SULF2: variants seen among roughly 807,000 people sequenced by gnomAD.
SULF2 encodes sulfatase 2.
In SULF2, 52 loss-of-function variants were observed where a neutral mutation model predicts 107.7. That is an observed-to-expected ratio of 0.48 (90% CI 0.39 to 0.61). The LOEUF (loss-of-function observed/expected upper bound fraction) is 0.61. Ranked by LOEUF, SULF2 falls within the 20% of genes least tolerant of loss-of-function variation. The pLI is 0.00. For synonymous variants in SULF2, 460 were observed against 464.3 expected (o/e 0.99, Z 0.12); for missense variants, 993 against 1,177.3 (o/e 0.84, Z 2.29).
At chr20:47,687,952 G>A (rs2088067594) in intron 5 of SULF2, among the ~76,000 whole-genome samples, 1 of 151,916 alleles carries the variant, frequency 6.6e-6, no homozygotes, top group Non-Finnish European at 1.5e-5. Context: ...ATCTGCTTGT[G>A]TGGTATGTCT....
chr20:47,768,682 C>T (rs1198215610), intron 1 of SULF2, among the ~76,000 whole-genome samples: 2 of 152,190 alleles, frequency 1.3e-5, no homozygotes, highest in South Asian at 2.1e-4. Flanking sequence ...GCGGAAGGAA[C>T]GTGGGTGTGG....
At chr20:47,769,649 C>T (rs1349844307) in intron 1 of SULF2, among the ~76,000 whole-genome samples, 2 of 152,276 alleles carry the variant, frequency 1.3e-5, no homozygotes, top group East Asian at 3.9e-4. Context: ...TGAGCACCTA[C>T]TATGTTCCCG....
intron 10 of SULF2, among the ~76,000 whole-genome samples, chr20:47,675,019 GGT>G (rs1022054069): frequency 7.2e-5 from 11 of 152,174 alleles, no homozygotes; most frequent in African/African-American, 2.4e-4. Flanking sequence ...TGGCTTCAGT[GGT>G]GTGCTCTGAT....
intron 3 of SULF2, among the ~76,000 whole-genome samples, chr20:47,708,628 G>C (rs182785355): frequency 1.3e-5 from 2 of 152,176 alleles, no homozygotes; most frequent in Non-Finnish European, 2.9e-5. Flanking sequence ...AGAGAAAAAG[G>C]CTTCACTGAA....
intron 1 of SULF2, among the ~76,000 whole-genome samples, chr20:47,776,232 GA>G (rs1403640882): frequency 6.6e-6 from 1 of 152,234 alleles, no homozygotes; most frequent in African/African-American, 2.4e-5. Context: ...TTTAAAATGT[GA>G]AATCTCGTAG....
At chr20:47,675,715 C>A (rs1338486236) in intron 10 of SULF2, among the ~76,000 whole-genome samples, 5 of 152,084 alleles carry the variant, frequency 3.3e-5, no homozygotes, top group Admixed American at 3.3e-4. Flanking sequence ...CCAGCCAAGG[C>A]AGAGTTTCCA....
In SULF2 at chr20:47,666,912, T is replaced by C. The variant is rs1372037665; in HGVS notation, c.1577-424A>G. ...GGCTCGTATTGTTACATTCTATTTA[T>C]AGGAACTACCCAGAATAGGTAAATC... On this transcript the variant is annotated intron_variant, in intron 11 of 20. Transcript: ENST00000688720. This position sits in a 1 kb window ranked among gnomAD's most constrained non-coding sequence, Gnocchi z 5.4. 1.3e-5 allele frequency among the ~76,000 whole-genome samples: 2 copies of C among 152,180 alleles called. No individual in the cohort carries two copies. Among genetic ancestry groups the C allele is most frequent in the African/African-American group, 4.8e-5 (2 of 41,446 alleles).
chr20:47,700,231 GC>G, intron 4 of SULF2, among the ~76,000 whole-genome samples: 1 of 152,296 alleles, frequency 6.6e-6, no homozygotes, highest in East Asian at 1.9e-4. Flanking sequence ...CTACAGCCAA[GC>G]AGGTCGACTG....
intron 4 of SULF2, 111 bp from the exon 5 acceptor site, chr20:47,690,406 C>T (rs1015208258): frequency 1.3e-6 from 1 of 794,624 alleles, no homozygotes; most frequent in Non-Finnish European, 1.7e-6. Context: ...GTGAACAAAA[C>T]AATTTCTGCC....
chr20:47,680,349 C>T lies in SULF2; in HGVS notation c.1065-1545G>A, dbSNP rs1203067377. 2.6e-5 allele frequency among the ~76,000 whole-genome samples: 4 copies of T among 152,192 alleles called. No homozygotes were observed. Among genetic ancestry groups the T allele is most frequent in the South Asian group, 2.1e-4 (1 of 4,834 alleles). ...AACTCCTGACCTCAGGTGATACATC[C>T]GCCTCAGCCTCCCAAAGTGCTGGGA... On this transcript the variant is annotated intron_variant, in intron 7 of 20. Transcript: ENST00000688720. This position sits in a 1 kb window ranked among gnomAD's most constrained non-coding sequence, Gnocchi z 4.2.
chr20:47,710,603 G>A (rs1201164712), intron 3 of SULF2, among the ~76,000 whole-genome samples: 1 of 149,338 alleles, frequency 6.7e-6, no homozygotes, highest in Non-Finnish European at 1.5e-5. Context: ...CGTGACACAC[G>A]ACTGTACATT....
Position 47,680,429 on chromosome 20 carries a change from A to G in SULF2, c.1065-1625T>C, listed in dbSNP as rs565350435. ...TTGTTTCTGGCTGATGGCATTCCCA[A>G]TGTAGGGTAAGGGACTTAAGGGGTG... On this transcript the variant is annotated intron_variant, in intron 7 of 20. Coordinates refer to ENST00000688720, the MANE Select transcript of SULF2 (RefSeq NM_001387048.1). This position sits in a 1 kb window ranked among gnomAD's most constrained non-coding sequence, Gnocchi z 4.2. 2.0e-5 allele frequency among the ~76,000 whole-genome samples: 3 copies of G among 152,254 alleles called. No homozygotes were observed. The highest frequency in any genetic ancestry group is 4.8e-5 in the African/African-American group (2 of 41,550).
chr20:47,659,609 A>G, intron 19 of SULF2, 88 bp downstream of exon 19: 2 of 1,396,232 alleles, frequency 1.4e-6, no homozygotes, highest in Admixed American at 1.7e-5. Flanking sequence ...GTTTCTCAAG[A>G]TAACAGGTGC....
intron 3 of SULF2, among the ~76,000 whole-genome samples, chr20:47,709,495 G>A (rs920638340): frequency 2.0e-5 from 3 of 152,146 alleles, no homozygotes; most frequent in South Asian, 2.1e-4. Context: ...TAAGTTGCAC[G>A]GGCTGACCTT....
At chr20:47,672,552 C>T (rs541712330) in intron 10 of SULF2, 159 bp from the exon 11 acceptor site, 4 of 985,228 alleles carry the variant, frequency 4.1e-6, no homozygotes, top group Non-Finnish European at 3.6e-6. Context: ...CTTCTCTCCA[C>T]TGCCACTGCT....
chr20:47,674,264 C>T (rs1236730050), intron 10 of SULF2, among the ~76,000 whole-genome samples: 5 of 152,214 alleles, frequency 3.3e-5, no homozygotes, highest in South Asian at 2.1e-4. Context: ...GCGGGGGCGG[C>T]GCCTGAGCCC....
At chr20:47,768,575 G>A (rs564604120) in intron 1 of SULF2, among the ~76,000 whole-genome samples, 1 of 152,372 alleles carries the variant, frequency 6.6e-6, no homozygotes, top group African/African-American at 2.4e-5. Context: ...ACCAGCCCAC[G>A]CTAGGCCTCC....
intron 4 of SULF2, among the ~76,000 whole-genome samples, chr20:47,692,204 G>C (rs2088219332): frequency 6.6e-6 from 1 of 152,138 alleles, no homozygotes; most frequent in Admixed American, 6.5e-5. Flanking sequence ...AGAAAAAAAG[G>C]TGAAGAGGTG....
At position 47,664,297 on chromosome 20, in the gene SULF2, CCT is replaced by C. The variant is rs2087191226; in HGVS notation, c.1998-110_1998-109del. The C allele has an allele frequency of 2.7e-6, 3 of 1,098,136 alleles. No individual in the cohort carries two copies. In the African/African-American group the frequency reaches 4.7e-5, roughly 17 times the overall value. 68.0% of individuals were successfully genotyped at this position (1,098,136 alleles called of 1,614,324 possible). ...TCCCATGTGTTGCTGCTGCCCCACCCCTGTCCCTCCTTCTGGGGTGGTGGTGG... is the reference window on the plus strand; with the variant it reads ...TCCCATGTGTTGCTGCTGCCCCACCCGTCCCTCCTTCTGGGGTGGTGGTGG... On this transcript the variant is annotated intron_variant, in intron 14 of 20. Transcript: ENST00000688720.
Sources: gnomAD v4.1 joint callset for allele counts (sites outside exome capture counted in the v4.1 genomes callset) on GRCh38, gnomAD v4.1.1 for gene constraint, Gnocchi (gnomAD v3.1) non-coding constraint, MANE v1.5 for transcripts, NCBI Gene and HGNC (gene_info 2026-07-23, HGNC 2026-07-21) for gene names.